The following MYOCD variants were observed in gnomAD, a reference collection of about 807,000 sequenced individuals.
MYOCD encodes the protein myocardin.
Under a neutral mutation model 96.1 loss-of-function variants are expected in MYOCD, and 32 were observed. That is an observed-to-expected ratio of 0.33 (90% CI 0.25 to 0.45). MYOCD has a LOEUF of 0.45. Ranked by LOEUF, MYOCD falls within the 20% of genes least tolerant of loss-of-function variation. The probability of loss-of-function intolerance (pLI) is 1.00; values close to 1 mark genes in which losing one functional copy is unlikely to be tolerated. For synonymous variants in MYOCD, 469 were observed against 469.0 expected (o/e 1.00, Z 0.00); for missense variants, 1,133 against 1,200.6 (o/e 0.94, Z 0.83).
intron 2 of MYOCD, among the ~76,000 whole-genome samples, chr17:12,708,398 CT>C (rs879670933): frequency 1.7e-3 from 252 of 145,790 alleles, no homozygotes; most frequent in Non-Finnish European, 1.9e-3. Flanking sequence ...AATAGAAATA[CT>C]TTTTTTTTTT....
At chr17:12,734,054 T>G (rs9905820) in intron 5 of MYOCD, among the ~76,000 whole-genome samples, 68,344 of 151,644 alleles carry the variant, frequency 0.45, 15,748 homozygotes, top group East Asian at 0.67. Context: ...TTTGGGGTCA[T>G]AAGAGGAGAA....
chr17:12,739,173 T>C (rs751278417), intron 6 of MYOCD, 30 bp from the exon 7 acceptor site: 1 of 1,589,304 alleles, frequency 6.3e-7, no homozygotes. Context: ...TTCCTGTATC[T>C]TCCTAATATC....
At chr17:12,739,072 G>A in intron 6 of MYOCD, 131 bp from the exon 7 acceptor site, 2 of 1,008,136 alleles carry the variant, frequency 2.0e-6, no homozygotes. Context: ...CCCACTGAGG[G>A]AGTAGGCTGA....
chr17:12,699,371 G>A (rs554173402), intron 1 of MYOCD, among the ~76,000 whole-genome samples: 16 of 152,146 alleles, frequency 1.1e-4, no homozygotes, highest in African/African-American at 2.9e-4. Context: ...TGATCCACCC[G>A]CCTTGGCCTC....
intron 1 of MYOCD, among the ~76,000 whole-genome samples, chr17:12,688,311 G>C (rs974910579): frequency 6.6e-6 from 1 of 152,196 alleles, no homozygotes; most frequent in Non-Finnish European, 1.5e-5. Context: ...TCGCTTATAG[G>C]AATGATCCTG....
chr17:12,729,132 A>C (rs559465575), intron 5 of MYOCD, among the ~76,000 whole-genome samples: 3 of 152,260 alleles, frequency 2.0e-5, no homozygotes, highest in Non-Finnish European at 4.4e-5. Flanking sequence ...TTGCTTTGGC[A>C]TAAAAAAGAA....
At chr17:12,675,728 G>A (rs371112057) in intron 1 of MYOCD, among the ~76,000 whole-genome samples, 10 of 152,108 alleles carry the variant, frequency 6.6e-5, no homozygotes, top group African/African-American at 1.9e-4. Context: ...CACTGGTGGC[G>A]CAAGCCTGTA....
At chr17:12,673,646 T>C (rs538634175) in intron 1 of MYOCD, among the ~76,000 whole-genome samples, 1 of 152,352 alleles carries the variant, frequency 6.6e-6, no homozygotes, top group East Asian at 1.9e-4. Flanking sequence ...ATCCTTCATG[T>C]AAAGAAAGAA....
At chr17:12,750,506 T>C (rs2032817544) in intron 9 of MYOCD, among the ~76,000 whole-genome samples, 1 of 151,904 alleles carries the variant, frequency 6.6e-6, no homozygotes, top group South Asian at 2.1e-4. Context: ...CTGGCCAACA[T>C]GGTGAAACCC....
intron 1 of MYOCD, among the ~76,000 whole-genome samples, chr17:12,675,528 A>T (rs1002521036): frequency 6.6e-6 from 1 of 152,262 alleles, no homozygotes; most frequent in African/African-American, 2.4e-5. Context: ...AATTCAGGTT[A>T]TAAAACAATC....
intron 5 of MYOCD, among the ~76,000 whole-genome samples, chr17:12,733,908 G>A (rs963373327): frequency 5.3e-5 from 8 of 151,108 alleles, no homozygotes; most frequent in African/African-American, 1.9e-4. Context: ...GAGAAAATGT[G>A]CCCCCTTCCT....
chr17:12,666,506 A>G (rs913695474), intron 1 of MYOCD, among the ~76,000 whole-genome samples: 1 of 152,172 alleles, frequency 6.6e-6, no homozygotes, highest in Non-Finnish European at 1.5e-5. Flanking sequence ...GCATCTATGA[A>G]TAGAAATTTT....
intron 10 of MYOCD, among the ~76,000 whole-genome samples, chr17:12,755,265 G>A (rs1442117620): frequency 6.6e-6 from 1 of 152,156 alleles, no homozygotes; most frequent in Non-Finnish European, 1.5e-5. Context: ...GTTGCACAGT[G>A]ATTTATGGTT....
intron 1 of MYOCD, among the ~76,000 whole-genome samples, chr17:12,703,568 A>C (rs1255007413): frequency 6.6e-6 from 1 of 151,928 alleles, no homozygotes; most frequent in Non-Finnish European, 1.5e-5. Flanking sequence ...CTGTGACTTG[A>C]TATCTATTTT....
chr17:12,679,185 C>T (rs1910294580), intron 1 of MYOCD, among the ~76,000 whole-genome samples: 1 of 152,000 alleles, frequency 6.6e-6, no homozygotes, highest in Non-Finnish European at 1.5e-5. Context: ...CCTAACAGTC[C>T]GTCTGCTTAA....
chr17:12,719,174 C>CAAAAAAAAAAAAAAAAAAAAAAAAAAAA (rs71144920), intron 4 of MYOCD, among the ~76,000 whole-genome samples: 3 of 49,158 alleles, frequency 6.1e-5, no homozygotes, highest in African/African-American at 1.2e-4. Context: ...GACTCTGTCT[C>CAAAAAAAAAAAAAAAAAAAAAAAAAAAA]AAAAAAAAAA....
intron 2 of MYOCD, among the ~76,000 whole-genome samples, chr17:12,711,112 A>G (rs894128775): frequency 6.6e-6 from 1 of 152,222 alleles, no homozygotes; most frequent in East Asian, 1.9e-4. Flanking sequence ...CCTTAAGACT[A>G]TCATTGGAGT....
intron 9 of MYOCD, among the ~76,000 whole-genome samples, chr17:12,746,441 G>C (rs2032666028): frequency 6.6e-6 from 1 of 151,972 alleles, no homozygotes; most frequent in South Asian, 2.1e-4. Flanking sequence ...TTGAGATAGA[G>C]GGAAAAGACA....
At chr17:12,692,306 C>T (rs1384495562) in intron 1 of MYOCD, among the ~76,000 whole-genome samples, 4 of 152,294 alleles carry the variant, frequency 2.6e-5, no homozygotes, top group African/African-American at 9.6e-5. Context: ...TTCTGCCATC[C>T]AGAAAATAGG....
Sources: allele counts gnomAD v4.1 joint callset (sites outside exome capture counted in the v4.1 genomes callset), GRCh38; gene constraint gnomAD v4.1.1; transcripts MANE v1.5; gene names NCBI Gene and HGNC (gene_info 2026-07-23, HGNC 2026-07-21).